CNTN4: variants seen among roughly 807,000 people sequenced by gnomAD.
CNTN4 encodes contactin-4.
In CNTN4, 77 loss-of-function variants were observed where a neutral mutation model predicts 122.5. The observed-to-expected ratio is 0.63, with a 90% CI of 0.52 to 0.76. CNTN4 has a LOEUF of 0.76. Among genes scored for constraint, CNTN4 ranks in the 30% least tolerant of loss-of-function variants. The pLI, the probability that CNTN4 is intolerant of heterozygous loss-of-function variation, is 0.00. For synonymous variants in CNTN4, 512 were observed against 447.0 expected, an observed-to-expected ratio of 1.15 and a Z score of -1.83; for missense variants, 1,256 against 1,259.1, an observed-to-expected ratio of 1.00 and a Z score of 0.04.
intron 3 of CNTN4, among the ~76,000 whole-genome samples, chr3:2,450,020 G>A (rs1333925139): frequency 1.3e-5 from 2 of 152,248 alleles, no homozygotes; most frequent in Admixed American, 6.5e-5. Flanking sequence ...CAGATCTGTT[G>A]TACAACATAG....
chr3:2,727,591 C>T (rs1001373895), intron 4 of CNTN4, among the ~76,000 whole-genome samples: 4 of 152,160 alleles, frequency 2.6e-5, no homozygotes, highest in African/African-American at 9.7e-5. Context: ...TAAAAATCCT[C>T]GAGCAATGCA....
At chr3:2,306,329 A>T (rs1279776466) in intron 2 of CNTN4, among the ~76,000 whole-genome samples, 1 of 152,138 alleles carries the variant, frequency 6.6e-6, no homozygotes, top group Non-Finnish European at 1.5e-5. Context: ...TTGTTTTTTA[A>T]CTATAGTCAT....
chr3:2,516,947 A>G (rs59297301), intron 3 of CNTN4, among the ~76,000 whole-genome samples: 4,791 of 152,202 alleles, frequency 0.031, 199 homozygotes, highest in African/African-American at 0.093. Flanking sequence ...AAGAAAGAAA[A>G]AAAAATGTAA....
intron 7 of CNTN4, among the ~76,000 whole-genome samples, chr3:2,842,232 A>T (rs886857706): frequency 6.6e-6 from 1 of 152,166 alleles, no homozygotes; most frequent in Admixed American, 6.5e-5. Flanking sequence ...CTTGAAACAG[A>T]TGCTGCAATA....
At chr3:2,467,544 T>G (rs77944891) in intron 3 of CNTN4, among the ~76,000 whole-genome samples, 4,572 of 152,280 alleles carry the variant, frequency 0.03, 228 homozygotes, top group African/African-American at 0.1. Context: ...ATTGGGAATT[T>G]ATTTAATGTC....
At chr3:2,975,313 C>T (rs1404400306) in intron 13 of CNTN4, among the ~76,000 whole-genome samples, 6 of 152,188 alleles carry the variant, frequency 3.9e-5, no homozygotes, top group Non-Finnish European at 8.8e-5. Context: ...CCCTCCAACA[C>T]TGCAGGATAG....
chr3:2,781,662 C>T (rs1369425534), intron 6 of CNTN4, among the ~76,000 whole-genome samples: 2 of 151,128 alleles, frequency 1.3e-5, no homozygotes, highest in African/African-American at 2.4e-5. Flanking sequence ...CATTGTATTC[C>T]TCCAGAAAGG....
At chr3:2,175,235 C>G (rs1162642406) in intron 2 of CNTN4, among the ~76,000 whole-genome samples, 1 of 152,034 alleles carries the variant, frequency 6.6e-6, no homozygotes, top group Non-Finnish European at 1.5e-5. Context: ...TCTCCTAAAC[C>G]TCTGCCGATA....
intron 13 of CNTN4, among the ~76,000 whole-genome samples, chr3:2,942,738 A>G (rs1404614061): frequency 6.6e-6 from 1 of 152,206 alleles, no homozygotes. Flanking sequence ...TCAAATAAGT[A>G]TAAGAAGTAC....
chr3:2,345,059 C>T (rs1181872639), intron 3 of CNTN4, among the ~76,000 whole-genome samples: 2 of 152,182 alleles, frequency 1.3e-5, no homozygotes, highest in African/African-American at 4.8e-5. Context: ...CTTTCCCTGG[C>T]AGAGGTAACA....
At chr3:2,188,580 G>T (rs937721486) in intron 2 of CNTN4, among the ~76,000 whole-genome samples, 1 of 152,154 alleles carries the variant, frequency 6.6e-6, no homozygotes, top group African/African-American at 2.4e-5. Context: ...GGTAGGGTGA[G>T]AAACTGTACC....
chr3:2,617,579 A>G (rs1168168087), intron 4 of CNTN4, among the ~76,000 whole-genome samples: 1 of 151,840 alleles, frequency 6.6e-6, no homozygotes, highest in Non-Finnish European at 1.5e-5. Flanking sequence ...CGCCACCATG[A>G]CCAGCTAATT....
intron 3 of CNTN4, among the ~76,000 whole-genome samples, chr3:2,370,281 T>A (rs2045582921): frequency 6.6e-6 from 1 of 152,196 alleles, no homozygotes; most frequent in African/African-American, 2.4e-5. Context: ...TTCTGTAGTA[T>A]GCCTGAATCC....
chr3:2,104,657 C>A lies in CNTN4; in HGVS notation c.-145+4018C>A, dbSNP rs912392205. Among the ~76,000 whole-genome samples, 6 of 152,300 alleles carry A rather than the reference C, an allele frequency of 3.9e-5. No homozygotes were observed. In the South Asian group the frequency reaches 1.2e-3, roughly 32 times the overall value. ...GGTTGTCATGACTTCTGCCCACATT[C>A]CTCTGGGGTGGACCTCAGTCACTTC... On this transcript the variant is annotated intron_variant, in intron 2 of 24. Transcript: ENST00000418658.
intron 2 of CNTN4, among the ~76,000 whole-genome samples, chr3:2,247,923 G>T (rs1316136957): frequency 6.6e-6 from 1 of 151,904 alleles, no homozygotes; most frequent in East Asian, 1.9e-4. Flanking sequence ...TCCTTGAATT[G>T]TTTTTCCCCT....
At chr3:2,584,898 AAGGTAGGT>A (rs1249530219) in intron 4 of CNTN4, among the ~76,000 whole-genome samples, 1 of 151,258 alleles carries the variant, frequency 6.6e-6, no homozygotes, top group East Asian at 1.9e-4. Flanking sequence ...ACGAAGTAGG[AAGGTAGGT>A]AGGTAGGTAG....
intron 3 of CNTN4, chr3:2,362,383 C>T: frequency 6.0e-6 from 2 of 334,994 alleles, no homozygotes; most frequent in Non-Finnish European, 1.2e-5. Context: ...GACCAAGGCC[C>T]AGCGGGCAAT....
intron 2 of CNTN4, among the ~76,000 whole-genome samples, chr3:2,314,547 A>G (rs1029123815): frequency 8.6e-5 from 13 of 151,914 alleles, no homozygotes; most frequent in African/African-American, 2.9e-4. Flanking sequence ...CTCCCTGTAT[A>G]TCAGATGAAA....
intron 14 of CNTN4, among the ~76,000 whole-genome samples, chr3:3,007,759 G>A (rs1696800638): frequency 6.6e-6 from 1 of 152,146 alleles, no homozygotes. Flanking sequence ...TAAAAGTAGG[G>A]TATGCAATAG....
Sources: allele counts gnomAD v4.1 joint callset (sites outside exome capture counted in the v4.1 genomes callset), GRCh38; gene constraint gnomAD v4.1.1; transcripts MANE v1.5; gene names NCBI Gene and HGNC (gene_info 2026-07-23, HGNC 2026-07-21).